Variants in CDH12 observed in about 807,000 individuals in gnomAD.
CDH12 encodes cadherin 12.
Under a neutral mutation model 74.1 loss-of-function variants are expected in CDH12, and 41 were observed. The ratio of observed to expected loss-of-function variants is 0.55; its 90% CI spans 0.43 to 0.72. CDH12 has a LOEUF of 0.72. CDH12 is among the 30% of genes least tolerant of loss of function. CDH12 has a pLI of 0.00. For missense variants in CDH12, 945 were observed against 977.2 expected (o/e 0.97, Z 0.44); for synonymous variants, 399 against 355.0 (o/e 1.12, Z -1.39).
At chr5:22,670,746 A>G (rs1010518691) in intron 1 of CDH12, among the ~76,000 whole-genome samples, 3 of 152,034 alleles carry the variant, frequency 2.0e-5, no homozygotes, top group African/African-American at 7.2e-5. Context: ...TAAACTCTAG[A>G]CTTTTTATTT....
chr5:22,731,296 T>C (rs887834077), intron 1 of CDH12, among the ~76,000 whole-genome samples: 3 of 151,796 alleles, frequency 2.0e-5, no homozygotes, highest in Non-Finnish European at 4.4e-5. Context: ...GTGTTTGAAA[T>C]AAAAGTTTAT....
chr5:22,087,130 A>G (rs1743117934), intron 4 of CDH12, among the ~76,000 whole-genome samples: 1 of 152,224 alleles, frequency 6.6e-6, no homozygotes, highest in African/African-American at 2.4e-5. Context: ...CTGGAATATT[A>G]AAATAATCAT....
chr5:21,924,575 C>T (rs891159661), intron 6 of CDH12, among the ~76,000 whole-genome samples: 5 of 152,050 alleles, frequency 3.3e-5, no homozygotes, highest in East Asian at 1.9e-4. Context: ...ACTAGCTTTG[C>T]ACTTATCTTC....
At chr5:22,123,998 C>T (rs144629069) in intron 4 of CDH12, among the ~76,000 whole-genome samples, 1,790 of 151,144 alleles carry the variant, frequency 0.012, 33 homozygotes, top group African/African-American at 0.04. Context: ...GATGGAGTCT[C>T]GCTCTGTCTC....
chr5:22,153,061 C>T (rs913198724), intron 4 of CDH12, among the ~76,000 whole-genome samples: 1 of 152,052 alleles, frequency 6.6e-6, no homozygotes, highest in African/African-American at 2.4e-5. Flanking sequence ...GACGATGCTC[C>T]AGTGAGCATT....
intron 1 of CDH12, among the ~76,000 whole-genome samples, chr5:22,659,771 TAC>T (rs754331877): frequency 2.6e-5 from 4 of 152,094 alleles, no homozygotes; most frequent in Non-Finnish European, 5.9e-5. Context: ...TCTATACACA[TAC>T]ACACAGTTTT....
At chr5:22,295,935 A>G (rs1737605013) in intron 3 of CDH12, among the ~76,000 whole-genome samples, 1 of 152,060 alleles carries the variant, frequency 6.6e-6, no homozygotes, top group African/African-American at 2.4e-5. Context: ...TATAATAAAA[A>G]TCGCATCATT....
chr5:22,743,397 A>G (rs1342766046), intron 1 of CDH12, among the ~76,000 whole-genome samples: 4 of 151,504 alleles, frequency 2.6e-5, no homozygotes, highest in Non-Finnish European at 5.9e-5. Context: ...TTAGGGGAGA[A>G]TGCTCCTGGC....
chr5:22,376,370 A>G (rs1038291137), intron 3 of CDH12, among the ~76,000 whole-genome samples: 1 of 152,194 alleles, frequency 6.6e-6, no homozygotes, highest in Admixed American at 6.5e-5. Flanking sequence ...TACAAAAAAA[A>G]AGCCCAATAT....
intron 2 of CDH12, among the ~76,000 whole-genome samples, chr5:22,455,517 C>CA (rs1350187079): frequency 2.6e-5 from 4 of 151,102 alleles, no homozygotes; most frequent in Non-Finnish European, 5.9e-5. Flanking sequence ...TTTAAACAGA[C>CA]ACTCTAGGTG....
At chr5:22,333,054 A>G (rs1580533178) in intron 3 of CDH12, among the ~76,000 whole-genome samples, 1 of 152,174 alleles carries the variant, frequency 6.6e-6, no homozygotes, top group South Asian at 2.1e-4. Flanking sequence ...TAACAAATAC[A>G]TGGAACCCAC....
At chr5:22,795,596 C>T (rs898833361) in intron 1 of CDH12, among the ~76,000 whole-genome samples, 21 of 149,564 alleles carry the variant, frequency 1.4e-4, no homozygotes, top group Admixed American at 4.0e-4. Flanking sequence ...ATATATTATA[C>T]ACACACACAC....
At chr5:21,980,559 C>T (rs1757265482) in intron 5 of CDH12, among the ~76,000 whole-genome samples, 1 of 151,672 alleles carries the variant, frequency 6.6e-6, no homozygotes, top group Non-Finnish European at 1.5e-5. Context: ...TTTATTTGTC[C>T]CTGTGTTTAT....
intron 3 of CDH12, among the ~76,000 whole-genome samples, chr5:22,281,735 A>T (rs1011324663): frequency 3.9e-5 from 6 of 152,196 alleles, no homozygotes; most frequent in Non-Finnish European, 8.8e-5. Flanking sequence ...GACACAAACA[A>T]CTAGAATAAC....
chr5:22,642,755 G>A (rs567448493), intron 1 of CDH12, among the ~76,000 whole-genome samples: 24 of 152,018 alleles, frequency 1.6e-4, no homozygotes, highest in African/African-American at 4.8e-4. Context: ...ATGAAACATC[G>A]ATTTACTAAA....
intron 1 of CDH12, among the ~76,000 whole-genome samples, chr5:22,764,982 A>G (rs1255932030): frequency 5.9e-5 from 9 of 152,012 alleles, no homozygotes; most frequent in Non-Finnish European, 2.9e-5. Context: ...ACTGACACTG[A>G]GGTAATTCTG....
chr5:22,621,676 TA>T (rs1424530067), intron 1 of CDH12, among the ~76,000 whole-genome samples: 2 of 152,070 alleles, frequency 1.3e-5, no homozygotes. Flanking sequence ...ACATTAGAAA[TA>T]ATAAATACTA....
At chr5:22,559,645 T>C (rs1211694575) in intron 1 of CDH12, among the ~76,000 whole-genome samples, 1 of 152,110 alleles carries the variant, frequency 6.6e-6, no homozygotes, top group Non-Finnish European at 1.5e-5. Context: ...AGGATCAATT[T>C]TCATGTTTTT....
chr5:21,924,535 T>A, intron 6 of CDH12, among the ~76,000 whole-genome samples: 1 of 67,240 alleles, frequency 1.5e-5, no homozygotes, highest in African/African-American at 3.2e-5. Flanking sequence ...AATACATGAA[T>A]ACATAAATAA....
Sources: allele counts gnomAD v4.1 joint callset (sites outside exome capture counted in the v4.1 genomes callset), GRCh38; gene constraint gnomAD v4.1.1; transcripts MANE v1.5; gene names NCBI Gene and HGNC (gene_info 2026-07-23, HGNC 2026-07-21).